The following TXLNB variants were observed in gnomAD, a reference collection of about 807,000 sequenced individuals.
TXLNB encodes the protein taxilin beta, also known as beta-taxilin.
In TXLNB, 37 loss-of-function variants were observed where a neutral mutation model predicts 57.4. The observed-to-expected ratio is 0.64, with a 90% CI of 0.50 to 0.85. The LOEUF (loss-of-function observed/expected upper bound fraction) is 0.85. TXLNB is among the 40% of genes least tolerant of loss of function. The pLI is 0.00. For synonymous variants in TXLNB, 302 were observed against 309.6 expected (o/e 0.98, Z 0.26); for missense variants, 848 against 825.6 (o/e 1.03, Z -0.33).
chr6:139,229,408 C>T, the TXLNB span, among the ~76,000 whole-genome samples: 1 of 152,118 alleles, frequency 6.6e-6, no homozygotes, highest in Non-Finnish European at 1.5e-5. Flanking sequence ...CTGCAAACTC[C>T]ACCTCCCGGG....
the TXLNB span, among the ~76,000 whole-genome samples, chr6:139,205,035 G>A: frequency 6.6e-6 from 1 of 152,174 alleles, no homozygotes. Flanking sequence ...TGCCCTGAGA[G>A]CTTAACACAA....
intron 8 of TXLNB, among the ~76,000 whole-genome samples, chr6:139,247,286 C>T (rs1215378000): frequency 1.3e-5 from 2 of 151,888 alleles, no homozygotes; most frequent in African/African-American, 2.4e-5. Context: ...GGACTACAGG[C>T]GCATGCCACC....
chr6:139,299,725 T>C, the TXLNB span, among the ~76,000 whole-genome samples: 2 of 152,104 alleles, frequency 1.3e-5, no homozygotes, highest in South Asian at 2.1e-4. Flanking sequence ...TTGTGGAACA[T>C]AGTGTTCCTA....
chr6:139,171,900 C>T, the TXLNB span, among the ~76,000 whole-genome samples: 1 of 151,412 alleles, frequency 6.6e-6, no homozygotes, highest in African/African-American at 2.4e-5. Context: ...GGTGCTATCT[C>T]GGCTCACTGC....
chr6:139,260,435 A>C lies in TXLNB; in HGVS notation c.885T>G (p.His295Gln). ...CTCTGTGTTTAAATATTTTGTCCAGATGCTAAGAAAAATAAAGTGTACATA... is the reference window on the plus strand; with the variant it reads ...CTCTGTGTTTAAATATTTTGTCCAGCTGCTAAGAAAAATAAAGTGTACATA... The part of the protein sequence containing the change: ...IIDQYELREE[H>Q]LDKIFKHREL... The change falls in exon 6 of 10, where the codon CAT becomes CAG. Residue 295 changes from histidine to glutamine, a missense_variant and splice_region_variant. By Grantham distance (24) the His-to-Gln change is conservative. Coordinates refer to ENST00000358430, the MANE Select transcript of TXLNB (RefSeq NM_153235.4). The C allele has an allele frequency of 6.2e-7, 1 of 1,613,294 alleles. No homozygotes were observed. The highest frequency in any genetic ancestry group is 8.5e-7 in the Non-Finnish European group (1 of 1,179,842).
chr6:139,226,537 G>C, the TXLNB span, among the ~76,000 whole-genome samples: 1 of 152,066 alleles, frequency 6.6e-6, no homozygotes, highest in Non-Finnish European at 1.5e-5. Flanking sequence ...GAACTGATTT[G>C]TAATTGTTAA....
chr6:139,319,061 G>A, the TXLNB span, among the ~76,000 whole-genome samples: 1 of 149,542 alleles, frequency 6.7e-6, no homozygotes, highest in African/African-American at 2.5e-5. Flanking sequence ...TCCTGCCTCA[G>A]CCCTCCAAGT....
chr6:139,274,372 T>C (rs1234197634), intron 3 of TXLNB, among the ~76,000 whole-genome samples: 1 of 152,218 alleles, frequency 6.6e-6, no homozygotes. Context: ...AGCAAGGAAA[T>C]AGGCTTTAGT....
At chr6:139,268,819 C>T (rs565755134) in intron 4 of TXLNB, among the ~76,000 whole-genome samples, 1 of 152,276 alleles carries the variant, frequency 6.6e-6, no homozygotes, top group Admixed American at 6.5e-5. Flanking sequence ...TACAGGGTCT[C>T]CTGCTACTTT....
At chr6:139,224,648 A>T in the TXLNB span, among the ~76,000 whole-genome samples, 3 of 152,028 alleles carry the variant, frequency 2.0e-5, no homozygotes, top group East Asian at 5.8e-4. Flanking sequence ...TAGATGCAAT[A>T]GATTAATATC....
chr6:139,277,857 A>G (rs192265482), intron 2 of TXLNB, among the ~76,000 whole-genome samples: 12 of 152,352 alleles, frequency 7.9e-5, no homozygotes, highest in Admixed American at 5.2e-4. Flanking sequence ...ACTTCCTGAC[A>G]TAAATCTGCT....
intron 1 of TXLNB, among the ~76,000 whole-genome samples, chr6:139,291,317 T>C (rs984315559): frequency 1.1e-4 from 17 of 152,320 alleles, no homozygotes; most frequent in Admixed American, 9.8e-4. Flanking sequence ...GGGGAGACTA[T>C]CTTAGGATGA....
the TXLNB span, among the ~76,000 whole-genome samples, chr6:139,162,606 C>T: frequency 6.6e-6 from 1 of 152,200 alleles, no homozygotes; most frequent in South Asian, 2.1e-4. Context: ...AATATTAATA[C>T]ATAGAGGTAG....
intron 5 of TXLNB, 79 bp downstream of exon 5, chr6:139,262,500 T>C (rs747357479): frequency 7.7e-7 from 1 of 1,300,178 alleles, no homozygotes; most frequent in Non-Finnish European, 1.1e-6. Context: ...GCTGTAACTG[T>C]CTTATTAACC....
the TXLNB span, among the ~76,000 whole-genome samples, chr6:139,302,871 T>C: frequency 0.42 from 63,662 of 151,986 alleles, 14,422 homozygotes; most frequent in African/African-American, 0.59. Context: ...AAAATTAATG[T>C]GATTTTGTGG....
upstream of TXLNB, among the ~76,000 whole-genome samples, chr6:139,295,206 C>G (rs536858272): frequency 2.6e-5 from 4 of 152,238 alleles, no homozygotes; most frequent in South Asian, 8.3e-4. Context: ...TATGCATTTT[C>G]AAGTATAATT....
At chr6:139,167,353 T>C in the TXLNB span, 1 of 1,488,200 alleles carries the variant, frequency 6.7e-7, no homozygotes, top group Non-Finnish European at 9.2e-7. Flanking sequence ...CTTGCCTGCT[T>C]TCTGTTTGTT....
chr6:139,254,315 T>TTGTGTG lies in TXLNB; in HGVS notation c.1077+1243_1077+1248dup, dbSNP rs60108019. Among the ~76,000 whole-genome samples, 751 of 150,030 alleles carry TTGTGTG rather than the reference T, an allele frequency of 5.0e-3. 7 individuals carry two copies. Among genetic ancestry groups the TTGTGTG allele is most frequent in the Middle Eastern group, 0.028 (8 of 290 alleles). ...TTTTTTCTTTTACAATGAACACGAT[T>TTGTGTG]TGTGTGTGTGTGTGTGTGTGTGTGT... On this transcript the variant is annotated intron_variant, in intron 7 of 9. Transcript: ENST00000358430.
the TXLNB span, among the ~76,000 whole-genome samples, chr6:139,168,512 C>T: frequency 1.3e-5 from 2 of 150,436 alleles, no homozygotes; most frequent in African/African-American, 4.9e-5. Flanking sequence ...ACATACCTGT[C>T]AGATTTTTTT....
Sources: gnomAD v4.1 joint callset for allele counts (sites outside exome capture counted in the v4.1 genomes callset) on GRCh38, gnomAD v4.1.1 for gene constraint, MANE v1.5 for transcripts, NCBI Gene and HGNC (gene_info 2026-07-23, HGNC 2026-07-21) for gene names.